Variants in TTC19 observed in about 807,000 individuals in gnomAD.
TTC19 encodes tetratricopeptide repeat domain 19.
TTC19 carries 38 observed loss-of-function variants against 49.5 expected under a neutral mutation model. The ratio of observed to expected loss-of-function variants is 0.77; its 90% CI spans 0.59 to 1.01. The LOEUF is 1.01. Among genes scored for constraint, TTC19 ranks in the 50% least tolerant of loss-of-function variants. The pLI, the probability that TTC19 is intolerant of heterozygous loss-of-function variation, is 0.00. For synonymous variants in TTC19, 204 were observed against 185.2 expected (o/e 1.10, Z -0.83); for missense variants, 475 against 477.7 (o/e 0.99, Z 0.05).
chr17:16,018,355 GT>G (rs1308789205), intron 7 of TTC19, among the ~76,000 whole-genome samples: 9 of 152,214 alleles, frequency 5.9e-5, no homozygotes, highest in African/African-American at 2.2e-4. Context: ...ACCCTGGAAT[GT>G]CATTTACCTG....
At chr17:16,035,474 C>T (rs1974194287) in intron 2 of TTC19, among the ~76,000 whole-genome samples, 1 of 150,868 alleles carries the variant, frequency 6.6e-6, no homozygotes. Flanking sequence ...CAAGTTTGAT[C>T]ATGAGATTGC....
chr17:16,034,725 T>C (rs1340714484), intron 2 of TTC19: 11 of 1,526,636 alleles, frequency 7.2e-6, no homozygotes, highest in Admixed American at 3.9e-5. Flanking sequence ...ATTGATATTA[T>C]TGCTCTGTCT....
At chr17:16,033,331 G>A (rs1380890823), downstream of TTC19, among the ~76,000 whole-genome samples, 5 of 109,230 alleles carry the variant, frequency 4.6e-5, no homozygotes, top group South Asian at 2.7e-4. Flanking sequence ...ACGAAACTCC[G>A]TCTCCAAAAA....
intron 9 of TTC19, 87 bp from the exon 10 acceptor site, chr17:16,027,287 C>G: frequency 1.3e-6 from 2 of 1,498,590 alleles, no homozygotes; most frequent in South Asian, 2.3e-5. Context: ...TAAATTAGCC[C>G]TATATCTGCA....
At chr17:16,015,322 T>A (rs993350726) in intron 7 of TTC19, among the ~76,000 whole-genome samples, 1 of 152,140 alleles carries the variant, frequency 6.6e-6, no homozygotes, top group Non-Finnish European at 1.5e-5. Flanking sequence ...AGGACAGTGC[T>A]AAAAACATAA....
At chr17:16,031,142 CTG>C (rs1358532126), downstream of TTC19, 17 of 195,826 alleles carry the variant, frequency 8.7e-5, no homozygotes, top group Non-Finnish European at 1.6e-4. Context: ...CCTTGAGACT[CTG>C]TGAAATGAAA....
intron 2 of TTC19, among the ~76,000 whole-genome samples, chr17:16,035,576 C>T (rs1293785351): frequency 5.4e-5 from 8 of 149,172 alleles, no homozygotes; most frequent in African/African-American, 2.0e-4. Flanking sequence ...ACCTCTGCTG[C>T]CCAGGCTGCA....
intron 2 of TTC19, chr17:16,039,256 ATAT>A: frequency 1.6e-6 from 1 of 618,286 alleles, no homozygotes; most frequent in Non-Finnish European, 2.8e-6. Context: ...ATTTCTGTTC[ATAT>A]TATAATGTCT....
chr17:16,028,975 C>T lies in TTC19; in HGVS notation c.*1453C>T, dbSNP rs1256948882. On this transcript the variant is annotated 3_prime_UTR_variant, in exon 10 of 10. Coordinates refer to ENST00000261647, the MANE Select transcript of TTC19 (RefSeq NM_017775.4). ...TTTCTGTCTAATCTCATATTATTTA[C>T]CATGCAGCTAATGCCGTTTACCAAG... 2.3e-6 allele frequency: 1 copy of T among 427,050 alleles called. No homozygotes were observed. Among genetic ancestry groups the T allele is most frequent in the African/African-American group, 2.1e-5 (1 of 48,436 alleles). 26.5% of individuals were successfully genotyped at this position (427,050 alleles called of 1,614,324 possible).
At chr17:16,021,397 AAAAC>A (rs1971380162) in intron 7 of TTC19, among the ~76,000 whole-genome samples, 1 of 152,138 alleles carries the variant, frequency 6.6e-6, no homozygotes, top group African/African-American at 2.4e-5. Context: ...CAAAAAAGAA[AAAAC>A]AAAAAAACAA....
At chr17:16,040,342 T>G (rs1297147221) in intron 2 of TTC19, 2 of 972,608 alleles carry the variant, frequency 2.1e-6, no homozygotes, top group Non-Finnish European at 3.3e-6. Flanking sequence ...ATTAGAGCAG[T>G]CACTCCCCTG....
intron 7 of TTC19, among the ~76,000 whole-genome samples, chr17:16,011,473 G>A (rs1273818571): frequency 2.0e-5 from 3 of 152,154 alleles, no homozygotes; most frequent in Non-Finnish European, 2.9e-5. Context: ...GCGCCCGGCC[G>A]CGTTATATCT....
rs1971619718 is a variant in TTC19 at position 16,027,651 on chromosome 17, T to C, written c.*129T>C. ...TATTCAGGTTTCCTCAATTTAGCCT[T>C]AGTGAAGGAGGGGTTGTACACACTG... On this transcript the variant is annotated 3_prime_UTR_variant, in exon 10 of 10. Transcript: ENST00000261647. The C allele has an allele frequency of 8.8e-7, 1 of 1,131,546 alleles. No individual in the cohort carries two copies. The highest frequency in any genetic ancestry group is 1.3e-6 in the Non-Finnish European group (1 of 769,674). The allele number at this position is 1,131,546 out of a possible 1,614,324, so 70.1% of individuals were successfully genotyped here.
chr17:16,016,925 C>T (rs1334445680), intron 7 of TTC19, among the ~76,000 whole-genome samples: 1 of 152,054 alleles, frequency 6.6e-6, no homozygotes, highest in Non-Finnish European at 1.5e-5. Context: ...AACTCCTGAC[C>T]TCAGGTGATC....
chr17:16,023,252 T>A (rs1020127934), intron 7 of TTC19: 6 of 152,230 alleles, frequency 3.9e-5, no homozygotes, highest in African/African-American at 1.4e-4. Context: ...CCTCACTGTT[T>A]TCTCTAAAAA....
intron 2 of TTC19, among the ~76,000 whole-genome samples, chr17:16,036,224 TA>T (rs1458626225): frequency 6.6e-6 from 1 of 152,228 alleles, no homozygotes; most frequent in Non-Finnish European, 1.5e-5. Flanking sequence ...CTTGGGTGAC[TA>T]AGTGGATTGT....
intron 7 of TTC19, chr17:16,023,328 T>C (rs549416004): frequency 6.6e-6 from 1 of 152,262 alleles, no homozygotes; most frequent in Non-Finnish European, 1.5e-5. Context: ...TCCACTAGAA[T>C]TGCTTGTCAC....
chr17:16,032,155 T>A (rs1402281356), downstream of TTC19: 2 of 837,148 alleles, frequency 2.4e-6, no homozygotes, highest in Non-Finnish European at 3.5e-6. Context: ...CCATCATTTC[T>A]TCATCATCTG....
intron 7 of TTC19, among the ~76,000 whole-genome samples, chr17:16,012,256 A>G (rs1183273322): frequency 1.3e-5 from 2 of 152,162 alleles, no homozygotes; most frequent in African/African-American, 2.4e-5. Flanking sequence ...TGGGAGGCCA[A>G]GGCGGGTGGA....
Sources: gnomAD v4.1 joint callset for allele counts (sites outside exome capture counted in the v4.1 genomes callset) on GRCh38, gnomAD v4.1.1 for gene constraint, MANE v1.5 for transcripts, NCBI Gene and HGNC (gene_info 2026-07-23, HGNC 2026-07-21) for gene names.